TBC1D4: variants seen among roughly 807,000 people sequenced by gnomAD.
TBC1D4 encodes TBC (Tre-2, BUB2, CDC16) domain-containing protein.
TBC1D4 carries 121 observed loss-of-function variants against 142.5 expected under a neutral mutation model. That is an observed-to-expected ratio of 0.85 (90% CI 0.73 to 0.99). The LOEUF is 0.99. Ranked by LOEUF, TBC1D4 falls within the 50% of genes least tolerant of loss-of-function variation. The pLI is 0.00. For missense variants in TBC1D4, 1,475 were observed against 1,606.6 expected (o/e 0.92, Z 1.40); for synonymous variants, 630 against 628.2 (o/e 1.00, Z -0.04).
At chr13:75,404,063 T>TACACAC (rs1345766063) in intron 1 of TBC1D4, among the ~76,000 whole-genome samples, 89 of 149,080 alleles carry the variant, frequency 6.0e-4, no homozygotes, top group African/African-American at 1.1e-3. Context: ...TATATATACA[T>TACACAC]ACACACACAC....
intron 1 of TBC1D4, among the ~76,000 whole-genome samples, chr13:75,374,056 A>C (rs1035123305): frequency 1.3e-5 from 2 of 152,204 alleles, no homozygotes; most frequent in African/African-American, 2.4e-5. Context: ...TCAGATTAAT[A>C]AATATAATAC....
At chr13:75,357,815 G>A (rs762221536) in intron 3 of TBC1D4, among the ~76,000 whole-genome samples, 1 of 152,110 alleles carries the variant, frequency 6.6e-6, no homozygotes, top group African/African-American at 2.4e-5. Context: ...GGAGCAGATG[G>A]CTAACCTGAC....
intron 1 of TBC1D4, among the ~76,000 whole-genome samples, chr13:75,480,650 A>G (rs1888802598): frequency 6.6e-6 from 1 of 152,242 alleles, no homozygotes; most frequent in African/African-American, 2.4e-5. Context: ...CTTTCCATTC[A>G]ATATCCAAAT....
At chr13:75,327,971 G>A in intron 8 of TBC1D4, 145 bp from the exon 9 acceptor site, 1 of 771,050 alleles carries the variant, frequency 1.3e-6, no homozygotes, top group Non-Finnish European at 2.2e-6. Flanking sequence ...TTTATTAATA[G>A]TCATTACAGC....
At chr13:75,375,719 G>T (rs1883458267) in intron 1 of TBC1D4, 1 of 151,132 alleles carries the variant, frequency 6.6e-6, no homozygotes, top group Non-Finnish European at 1.5e-5. Context: ...TACAAAGAAG[G>T]AATTAATAAT....
In TBC1D4 at chr13:75,347,728, A is replaced by G. The variant is rs1204587730; in HGVS notation, c.1408+1442T>C. ...GGCACCCGTTGACACACAGATTTAC[A>G]TGCTTCCTTTATCACACAGCTAAGA... On this transcript the variant is annotated intron_variant, in intron 5 of 20. Transcript: ENST00000377636. Among the ~76,000 whole-genome samples, 5 of 152,308 alleles carry G rather than the reference A, an allele frequency of 3.3e-5. No individual in the cohort carries two copies. The East Asian group carries it at 7.7e-4, about 23-fold the overall frequency.
rs77027375 is a variant in TBC1D4, at chr13:75,444,083, G to A, written c.498+37187C>T. Among the ~76,000 whole-genome samples the A allele has an allele frequency of 2.1e-3, 324 of 152,274 alleles. 1 individual carries two copies. The highest frequency in any genetic ancestry group is 7.6e-3 in the African/African-American group (314 of 41,554). On this transcript the variant is annotated intron_variant, in intron 1 of 20. Coordinates refer to ENST00000377636, the MANE Select transcript of TBC1D4 (RefSeq NM_014832.5). ...AAAGAACATACATTTAGTTGTGGAG[G>A]GAAAGGTGGAAAAATGTAGCTGTAA...
intron 7 of TBC1D4, among the ~76,000 whole-genome samples, chr13:75,340,631 A>G (rs568561148): frequency 2.6e-5 from 4 of 152,250 alleles, no homozygotes; most frequent in Admixed American, 1.3e-4. Context: ...GTTTAGCTCA[A>G]TGTGTCAGTG....
intron 1 of TBC1D4, among the ~76,000 whole-genome samples, chr13:75,455,397 T>C (rs1407834947): frequency 3.3e-5 from 5 of 152,060 alleles, no homozygotes; most frequent in Non-Finnish European, 7.4e-5. Context: ...TAAATATATG[T>C]AAGCTAATAA....
chr13:75,359,815 G>A lies in TBC1D4; in HGVS notation c.1124C>T (p.Ser375Leu), dbSNP rs1302835769. 3.7e-6 allele frequency: 6 copies of A among 1,613,512 alleles called. No individual in the cohort carries two copies. The African/African-American group carries it at 5.3e-5, about 14-fold the overall frequency. Reference sequence around the variant, plus strand: ...TTTAAAATTCTTTTCTAGCACAACTGATTTAGTGTCTGGACTGATAAGGTT... The same window carrying A: ...TTTAAAATTCTTTTCTAGCACAACTAATTTAGTGTCTGGACTGATAAGGTT... Reference protein sequence around the residue: ...EINLISPDTKSVVLEKNFKDI... With the variant: ...EINLISPDTKLVVLEKNFKDI... Residue 375 changes from serine to leucine, a missense_variant, in exon 3 of 21, where the codon TCA (serine) becomes TTA (leucine). Transcript: ENST00000377636.
chr13:75,340,798 T>C (rs1880621572), intron 7 of TBC1D4, among the ~76,000 whole-genome samples: 1 of 151,974 alleles, frequency 6.6e-6, no homozygotes. Flanking sequence ...AATACAAAAT[T>C]AGCCGGGTGT....
intron 3 of TBC1D4, 99 bp from the exon 4 acceptor site, chr13:75,356,350 T>G (rs1200330675): frequency 1.9e-5 from 16 of 857,686 alleles, no homozygotes; most frequent in Non-Finnish European, 2.7e-5. Context: ...TTCACAGTTC[T>G]ACGAATTTCT....
chr13:75,291,783 A>T (rs1301049140), intron 19 of TBC1D4, among the ~76,000 whole-genome samples: 1 of 152,230 alleles, frequency 6.6e-6, no homozygotes, highest in Non-Finnish European at 1.5e-5. Flanking sequence ...TTACAAAATA[A>T]TTAACAATAT....
intron 1 of TBC1D4, among the ~76,000 whole-genome samples, chr13:75,413,454 C>T (rs1356860652): frequency 2.0e-5 from 3 of 152,172 alleles, no homozygotes; most frequent in Non-Finnish European, 4.4e-5. Context: ...GCCACCGCAC[C>T]CGGCCAAATT....
intron 2 of TBC1D4, 119 bp from the exon 3 acceptor site, chr13:75,359,977 CAT>C (rs1882368364): frequency 6.0e-6 from 5 of 833,058 alleles, no homozygotes; most frequent in Non-Finnish European, 1.0e-5. Context: ...ATATGTATTT[CAT>C]ATGTGCTTAA....
chr13:75,341,176 C>T lies in TBC1D4; in HGVS notation c.1560G>A (p.Gln520=), dbSNP rs1880666969. The T allele has an allele frequency of 6.2e-7, 1 of 1,613,656 alleles. No homozygotes were observed. Among genetic ancestry groups the T allele is most frequent in the Non-Finnish European group, 8.5e-7 (1 of 1,179,916 alleles). The change falls in exon 7 of 21, where the codon CAG becomes CAA. Residue 520 remains glutamine, a synonymous_variant. Transcript: ENST00000377636. ...GTGTCTTCTGCTTGGCTTCACACAGCTGCCTCAGGTGTAAAATCACAAGTT... is the reference window on the plus strand; with the variant it reads ...GTGTCTTCTGCTTGGCTTCACACAGTTGCCTCAGGTGTAAAATCACAAGTT... The part of the protein sequence containing the change: ...ENELVILHLR[Q]LCEAKQKTHV...
chr13:75,440,739 C>CTT (rs575270198), intron 1 of TBC1D4, among the ~76,000 whole-genome samples: 3,178 of 139,512 alleles, frequency 0.023, 125 homozygotes, highest in African/African-American at 0.079. Context: ...TTATTTGTTT[C>CTT]TTTTTTTTTT....
At chr13:75,444,048 C>A (rs1330198883) in intron 1 of TBC1D4, among the ~76,000 whole-genome samples, 1 of 151,682 alleles carries the variant, frequency 6.6e-6, no homozygotes, top group Non-Finnish European at 1.5e-5. Context: ...ATTGGATATA[C>A]CCAAAAGCTA....
intron 18 of TBC1D4, among the ~76,000 whole-genome samples, chr13:75,293,086 C>T (rs930719422): frequency 1.3e-5 from 2 of 152,154 alleles, no homozygotes; most frequent in East Asian, 1.9e-4. Flanking sequence ...ACCCAGGAGG[C>T]AGAGGTTGCA....
Sources: gnomAD v4.1 joint callset for allele counts (sites outside exome capture counted in the v4.1 genomes callset) on GRCh38, gnomAD v4.1.1 for gene constraint, MANE v1.5 for transcripts, NCBI Gene and HGNC (gene_info 2026-07-23, HGNC 2026-07-21) for gene names.